Variants in CIT observed in about 807,000 individuals in gnomAD.
The protein encoded by CIT is citron Rho-interacting kinase.
CIT carries 79 observed loss-of-function variants against 272.7 expected under a neutral mutation model. The observed-to-expected ratio is 0.29, with a 90% confidence interval of 0.24 to 0.35. CIT has a LOEUF of 0.35. Ranked by LOEUF, CIT falls within the 10% of genes least tolerant of loss-of-function variation. The pLI, the probability that CIT is intolerant of heterozygous loss-of-function variation, is 1.00. For missense variants in CIT, 1,909 were observed against 2,618.3 expected (o/e 0.73, Z 5.91); for synonymous variants, 948 against 995.6 (o/e 0.95, Z 0.90).
intron 3 of CIT, 38 bp from the exon 4 acceptor site, chr12:119,857,736 G>T (rs763379063): frequency 1.3e-6 from 2 of 1,542,922 alleles, no homozygotes; most frequent in Admixed American, 1.9e-5. Flanking sequence ...GGTAAATAAA[G>T]CATGCAAATA....
chr12:119,744,113 C>T (rs960629401), intron 23 of CIT, among the ~76,000 whole-genome samples: 1 of 152,132 alleles, frequency 6.6e-6, no homozygotes. Flanking sequence ...CTGTTACTGT[C>T]ATTCAAGCGA....
chr12:119,701,491 GC>G (rs1255339761), intron 43 of CIT, 132 bp downstream of exon 43: 1 of 1,000,552 alleles, frequency 1.0e-6, no homozygotes, highest in Non-Finnish European at 1.4e-6. Context: ...ACTTGGTGGT[GC>G]TGGAAGGACA....
chr12:119,730,433 C>A, intron 27 of CIT, 62 bp downstream of exon 27: 1 of 1,520,728 alleles, frequency 6.6e-7, no homozygotes, highest in Non-Finnish European at 8.9e-7. Flanking sequence ...TTTTATCAAG[C>A]GTGCCTTTAA....
intron 10 of CIT, among the ~76,000 whole-genome samples, chr12:119,796,732 C>T (rs1965763223): frequency 1.3e-5 from 2 of 152,118 alleles, no homozygotes; most frequent in African/African-American, 4.8e-5. Flanking sequence ...AGAAAGATAA[C>T]TGAGGATGGA....
intron 28 of CIT, among the ~76,000 whole-genome samples, chr12:119,723,858 G>A (rs577544534): frequency 1.2e-4 from 19 of 152,316 alleles, no homozygotes; most frequent in South Asian, 4.1e-4. Flanking sequence ...GAGGTTTAGA[G>A]CCCAGTATGG....
chr12:119,859,330 G>A (rs1483238155), intron 3 of CIT, among the ~76,000 whole-genome samples: 1 of 152,122 alleles, frequency 6.6e-6, no homozygotes, highest in Non-Finnish European at 1.5e-5. Context: ...TGGAAGGGAT[G>A]GCCATTTCAA....
intron 10 of CIT, among the ~76,000 whole-genome samples, chr12:119,801,962 C>G (rs1256367203): frequency 6.6e-6 from 1 of 152,206 alleles, no homozygotes; most frequent in Non-Finnish European, 1.5e-5. Flanking sequence ...CATTCAATCA[C>G]AGCCCACAAC....
chr12:119,776,141 G>T (rs1215730508), intron 15 of CIT, among the ~76,000 whole-genome samples: 1 of 152,176 alleles, frequency 6.6e-6, no homozygotes, highest in African/African-American at 2.4e-5. Context: ...GTTTGTTGCT[G>T]TGGGCAGGTG....
intron 23 of CIT, among the ~76,000 whole-genome samples, chr12:119,750,867 C>G (rs764092401): frequency 1.3e-5 from 2 of 151,974 alleles, no homozygotes; most frequent in Non-Finnish European, 2.9e-5. Flanking sequence ...GCCATTCATT[C>G]CACGGAAGTA....
chr12:119,814,237 A>G (rs576452795), intron 9 of CIT, among the ~76,000 whole-genome samples: 2 of 152,218 alleles, frequency 1.3e-5, no homozygotes, highest in Admixed American at 6.5e-5. Flanking sequence ...CTAGTGGGGG[A>G]AAATCCTATA....
chr12:119,725,810 A>G (rs1958064387), intron 28 of CIT, among the ~76,000 whole-genome samples: 1 of 152,252 alleles, frequency 6.6e-6, no homozygotes, highest in Non-Finnish European at 1.5e-5. Context: ...TCGCCCTCTC[A>G]GAAGGAAAAT....
At position 119,714,369 on chromosome 12, in the gene CIT, C is replaced by A. The variant is rs746694404; in HGVS notation, c.4169-35G>T. On this transcript the variant is annotated intron_variant, in intron 32 of 47. Transcript: ENST00000392521. ...AATGTTTTAAAAAATCATTAGAGTA[C>A]TGCAAATGATCCCATCAGGAAAGTG... The A allele has an allele frequency of 3.1e-6, 5 of 1,610,590 alleles. No homozygotes were observed. The East Asian group carries it at 1.1e-4, about 36-fold the overall frequency.
intron 24 of CIT, among the ~76,000 whole-genome samples, chr12:119,740,687 A>C (rs1366663222): frequency 6.6e-6 from 1 of 152,230 alleles, no homozygotes; most frequent in Non-Finnish European, 1.5e-5. Flanking sequence ...AATTCCAGTC[A>C]TAAAATGATC....
At chr12:119,704,580 G>A in intron 40 of CIT, 125 bp from the exon 41 acceptor site, 1 of 808,076 alleles carries the variant, frequency 1.2e-6, no homozygotes, top group African/African-American at 1.7e-5. Context: ...TGTGTGGTGG[G>A]GGGAGGGCTG....
chr12:119,805,148 G>A (rs1307730209), intron 9 of CIT, among the ~76,000 whole-genome samples: 3 of 152,104 alleles, frequency 2.0e-5, no homozygotes, highest in South Asian at 2.1e-4. Context: ...CTGAAATAAG[G>A]AAACTCAGAT....
intron 10 of CIT, among the ~76,000 whole-genome samples, chr12:119,795,247 C>A (rs529036402): frequency 1.3e-5 from 2 of 152,190 alleles, no homozygotes; most frequent in African/African-American, 4.8e-5. Context: ...ATTAGCTGGG[C>A]GTGGTGGCAG....
Position 119,710,811 on chromosome 12 carries a change from G to C in CIT, c.4855-191C>G. The C allele has an allele frequency of 3.0e-6, 2 of 665,404 alleles. No individual in the cohort carries two copies. Among genetic ancestry groups the C allele is most frequent in the Non-Finnish European group, 2.6e-6 (1 of 388,674 alleles). The allele number at this position is 665,404 out of a possible 1,614,324, so 41.2% of individuals were successfully genotyped here. On this transcript the variant is annotated intron_variant, in intron 37 of 47. Coordinates refer to ENST00000392521, the MANE Select transcript of CIT (RefSeq NM_001206999.2). This position sits in a 1 kb window ranked among gnomAD's most constrained non-coding sequence, Gnocchi z 5.6. ...CAAATGCAAAATGCGAGTGCTATTG[G>C]TATCTCTGGGGCAGCTGTTAATTAG... is the stretch of plus-strand genomic sequence containing the variant.
At position 119,712,964 on chromosome 12, in the gene CIT, A is replaced by G; in HGVS notation, c.4579+239T>C. 3.4e-6 allele frequency: 2 copies of G among 585,358 alleles called. No individual in the cohort carries two copies. The allele number at this position is 585,358 out of a possible 1,614,324, so 36.3% of individuals were successfully genotyped here. A position where few individuals can be genotyped will look rare whatever the true frequency, so the allele number is the denominator to read the frequency against. ...AGTTGACTGAGGCAGAAGTTCTCGG[A>G]AGGTGTATTAGCAGGTGGAATCTTC... On this transcript the variant is annotated intron_variant, in intron 35 of 47. Transcript: ENST00000392521. The surrounding 1 kb of genome is among the most constrained non-coding windows in gnomAD (Gnocchi z 5.2).
At chr12:119,798,916 C>T (rs1441074756) in intron 10 of CIT, among the ~76,000 whole-genome samples, 1 of 152,218 alleles carries the variant, frequency 6.6e-6, no homozygotes, top group Non-Finnish European at 1.5e-5. Flanking sequence ...ATGGTGTTTG[C>T]TTTACTTTCT....
Sources: allele counts gnomAD v4.1 joint callset (sites outside exome capture counted in the v4.1 genomes callset), GRCh38; gene constraint gnomAD v4.1.1; non-coding constraint Gnocchi (gnomAD v3.1); transcripts MANE v1.5; gene names NCBI Gene and HGNC (gene_info 2026-07-23, HGNC 2026-07-21).